Variants in ARMC9 observed in about 807,000 individuals in gnomAD.
The protein encoded by ARMC9 is armadillo repeat containing 9, also known as lisH domain-containing protein ARMC9.
A neutral mutation model predicts 107.0 loss-of-function variants in ARMC9; 94 were observed. That is an observed-to-expected ratio of 0.88 (90% confidence interval 0.74 to 1.04). The LOEUF (loss-of-function observed/expected upper bound fraction) is 1.04, where lower values mean the gene tolerates loss of function less well. ARMC9 is among the 50% of genes least tolerant of loss of function. The pLI is 0.00. For missense variants in ARMC9, 942 were observed against 1,030.1 expected (o/e 0.91, Z 1.17); for synonymous variants, 380 against 396.9 (o/e 0.96, Z 0.51).
chr2:231,286,965 C>T (rs1331093213), intron 17 of ARMC9, among the ~76,000 whole-genome samples: 2 of 152,230 alleles, frequency 1.3e-5, no homozygotes, highest in African/African-American at 2.4e-5. Flanking sequence ...CTAATACCCA[C>T]TCCCCAGGCC....
intron 23 of ARMC9, among the ~76,000 whole-genome samples, chr2:231,364,603 G>A (rs905453907): frequency 6.6e-6 from 1 of 152,090 alleles, no homozygotes; most frequent in Non-Finnish European, 1.5e-5. Context: ...TTTGAGACCA[G>A]CCTGACCAAC....
At chr2:231,363,659 G>A (rs1171586380) in intron 23 of ARMC9, among the ~76,000 whole-genome samples, 1 of 152,094 alleles carries the variant, frequency 6.6e-6, no homozygotes, top group Non-Finnish European at 1.5e-5. Flanking sequence ...GGCCAAGGCG[G>A]GCGGACAACG....
rs1393686899 is a variant in ARMC9 at position 231,297,478 on chromosome 2, C to G, written c.1773+1225C>G. 2.0e-5 allele frequency among the ~76,000 whole-genome samples: 3 copies of G among 152,238 alleles called. No individual in the cohort carries two copies. The highest frequency in any genetic ancestry group is 4.8e-5 in the African/African-American group (2 of 41,460). The stretch of plus-strand genomic sequence containing the variant: ...TTAGGGCTTGCAGGCCACACAGTCT[C>G]TGTTCCAACCACTCAATTCTGCCAT... On this transcript the variant is annotated intron_variant, in intron 19 of 24. Coordinates refer to ENST00000611582, the MANE Select transcript of ARMC9 (RefSeq NM_001352754.2). This position sits in a 1 kb window ranked among gnomAD's most constrained non-coding sequence, Gnocchi z 4.2.
At chr2:231,323,370 C>A (rs772157858) in intron 19 of ARMC9, among the ~76,000 whole-genome samples, 6 of 152,210 alleles carry the variant, frequency 3.9e-5, no homozygotes, top group Admixed American at 1.3e-4. Flanking sequence ...GAAAGTGGAG[C>A]AAGCGCCTGC....
intron 7 of ARMC9, among the ~76,000 whole-genome samples, chr2:231,228,780 A>G (rs966403105): frequency 2.0e-5 from 3 of 152,236 alleles, no homozygotes; most frequent in South Asian, 4.1e-4. Flanking sequence ...TGAATCTGCC[A>G]GGTCGCTGTT....
Position 231,360,771 on chromosome 2 carries a change from C to A in ARMC9, c.2149C>A (p.Pro717Thr). ...CTCCCCAGCAGCCATCATCGCCAAG[C>A]CAGGAGAGTGGCTCCCAAGAGGACG... is the stretch of plus-strand genomic sequence containing the variant. Reference protein sequence around the residue: ...VSSSSAIIAKPGEWLPRGRQE... With the variant: ...VSSSSAIIAKTGEWLPRGRQE... Residue 717 changes from proline to threonine, a missense_variant, in exon 23 of 25, where the codon CCA (proline) becomes ACA (threonine). Transcript: ENST00000611582. The surrounding 1 kb of genome is among the most constrained non-coding windows in gnomAD (Gnocchi z 4.7). 3.3e-6 allele frequency: 5 copies of A among 1,536,186 alleles called. No homozygotes were observed. The highest frequency in any genetic ancestry group is 4.4e-6 in the Non-Finnish European group (5 of 1,146,934).
chr2:231,254,926 A>G (rs776339939), intron 9 of ARMC9, among the ~76,000 whole-genome samples: 6 of 152,128 alleles, frequency 3.9e-5, no homozygotes, highest in African/African-American at 1.2e-4. Context: ...AAATCATTCA[A>G]TATACATTTC....
intron 4 of ARMC9, chr2:231,215,338 A>G (rs1252060443): frequency 5.6e-6 from 1 of 178,306 alleles, no homozygotes; most frequent in African/African-American, 2.4e-5. Flanking sequence ...TAGACCCTAT[A>G]TTAGAACATA....
At chr2:231,222,162 A>AT (rs2125333143) in intron 5 of ARMC9, among the ~76,000 whole-genome samples, 1 of 152,258 alleles carries the variant, frequency 6.6e-6, no homozygotes, top group African/African-American at 2.4e-5. Flanking sequence ...TAAGTCATTA[A>AT]TTTTTTCTTC....
At chr2:231,293,802 G>C (rs559052057) in intron 18 of ARMC9, 3 of 152,186 alleles carry the variant, frequency 2.0e-5, no homozygotes, top group African/African-American at 7.2e-5. Flanking sequence ...GCAGGAGCCC[G>C]CCACTTTGAA....
intron 1 of ARMC9, among the ~76,000 whole-genome samples, chr2:231,205,105 C>T (rs2031761568): frequency 6.6e-6 from 1 of 151,752 alleles, no homozygotes; most frequent in African/African-American, 2.4e-5. Context: ...TGGTGGCTCA[C>T]GCCTATAATC....
chr2:231,281,958 C>A, intron 16 of ARMC9, 101 bp from the exon 17 acceptor site: 1 of 1,136,678 alleles, frequency 8.8e-7, no homozygotes, highest in Non-Finnish European at 1.3e-6. Context: ...GGAACACCCA[C>A]TCTCCCCATT....
intron 22 of ARMC9, among the ~76,000 whole-genome samples, chr2:231,359,529 AC>A (rs2045482059): frequency 6.7e-6 from 1 of 148,734 alleles, no homozygotes; most frequent in South Asian, 2.2e-4. Flanking sequence ...TTTTATGACC[AC>A]CCCGTCCCCT....
Position 231,235,381 on chromosome 2 carries a change from G to A in ARMC9, c.780G>A (p.Met260Ile). Residue 260 changes from methionine (M) to isoleucine (I), a missense_variant and splice_region_variant, in exon 8 of 25, where the codon ATG becomes ATA. Coordinates refer to ENST00000611582, the MANE Select transcript of ARMC9 (RefSeq NM_001352754.2). The stretch of plus-strand genomic sequence containing the variant: ...TAGAGGCCACAGTCAGCGGCAAGAT[G>A]GTAAGGAAGATCCCTAATTGTGTGT... ...DSLEATVSGK[M>I]ITPEYLQSVC... 1.2e-6 allele frequency: 2 copies of A among 1,614,040 alleles called. No individual in the cohort carries two copies. The highest frequency in any genetic ancestry group is 1.7e-6 in the Non-Finnish European group (2 of 1,179,974).
At position 231,374,855 on chromosome 2, in the gene ARMC9, A is replaced by G. The variant is rs1430440063; in HGVS notation, c.*3320A>G. 2 of 152,186 alleles carry G rather than the reference A, an allele frequency of 1.3e-5. No individual in the cohort carries two copies. Among genetic ancestry groups the G allele is most frequent in the Non-Finnish European group, 1.5e-5 (1 of 68,048 alleles). The allele number at this position is 152,186 out of a possible 1,614,324, so 9.4% of individuals were successfully genotyped here. On this transcript the variant is annotated 3_prime_UTR_variant, in exon 25 of 25. Transcript: ENST00000611582. The stretch of plus-strand genomic sequence containing the variant: ...TGTCTTCATTACTGAGTTTTGGGGT[A>G]GCCCTTTAAATTTTGTATGCAAGGT...
At chr2:231,292,167 CAAAAAAA>C (rs1248110796) in intron 18 of ARMC9, among the ~76,000 whole-genome samples, 3 of 56,066 alleles carry the variant, frequency 5.4e-5, no homozygotes, top group African/African-American at 2.0e-4. Context: ...AACTCCTTCT[CAAAAAAA>C]AAAAAAAAAA....
At chr2:231,239,552 G>C (rs992789849) in intron 8 of ARMC9, among the ~76,000 whole-genome samples, 4 of 152,214 alleles carry the variant, frequency 2.6e-5, no homozygotes, top group Non-Finnish European at 5.9e-5. Flanking sequence ...TCCAGGACTT[G>C]AGCCCTGATC....
In ARMC9 at chr2:231,297,293, T is replaced by C. The variant is rs1416830616; in HGVS notation, c.1773+1040T>C. 2.0e-5 allele frequency among the ~76,000 whole-genome samples: 3 copies of C among 152,068 alleles called. No homozygotes were observed. The highest frequency in any genetic ancestry group is 2.0e-4 in the Admixed American group (3 of 15,282). ...GCAGAGCTTGACCTCCAGATAGGGG[T>C]CCTGGCCCCTATCATCTTCTCCAGG... is the stretch of plus-strand genomic sequence containing the variant. On this transcript the variant is annotated intron_variant, in intron 19 of 24. Transcript: ENST00000611582. This position sits in a 1 kb window ranked among gnomAD's most constrained non-coding sequence, Gnocchi z 4.2.
At chr2:231,367,272 C>T (rs750662845) in intron 23 of ARMC9, among the ~76,000 whole-genome samples, 3 of 152,112 alleles carry the variant, frequency 2.0e-5, no homozygotes, top group African/African-American at 7.2e-5. Flanking sequence ...TGGGACGTTA[C>T]GGATTCCTGG....
Sources: allele counts gnomAD v4.1 joint callset (sites outside exome capture counted in the v4.1 genomes callset), GRCh38; gene constraint gnomAD v4.1.1; non-coding constraint Gnocchi (gnomAD v3.1); transcripts MANE v1.5; gene names NCBI Gene and HGNC (gene_info 2026-07-23, HGNC 2026-07-21).